SIK3: variants seen among roughly 807,000 people sequenced by gnomAD.
SIK3 encodes the protein SIK family kinase 3.
SIK3 carries 28 observed loss-of-function variants against 144.2 expected under a neutral mutation model. The ratio of observed to expected loss-of-function variants is 0.19; its 90% confidence interval spans 0.14 to 0.27. The LOEUF (loss-of-function observed/expected upper bound fraction) is 0.27. Among genes scored for constraint, SIK3 ranks in the 10% least tolerant of loss-of-function variants. The probability of loss-of-function intolerance (pLI) is 1.00; values close to 1 mark genes in which losing one functional copy is unlikely to be tolerated. For missense variants in SIK3, 1,319 were observed against 1,776.0 expected, an observed-to-expected ratio of 0.74 and a Z score of 4.62; for synonymous variants, 686 against 676.3, an observed-to-expected ratio of 1.01 and a Z score of -0.22.
chr11:116,899,820 C>G (rs1056633025), intron 4 of SIK3, among the ~76,000 whole-genome samples: 1 of 152,182 alleles, frequency 6.6e-6, no homozygotes, highest in African/African-American at 2.4e-5. Context: ...GGACACCATG[C>G]TCCCTGAAAT....
chr11:116,917,183 G>C (rs557536935), intron 4 of SIK3, among the ~76,000 whole-genome samples: 18 of 152,100 alleles, frequency 1.2e-4, no homozygotes, highest in African/African-American at 4.3e-4. Flanking sequence ...AGCACTCTGG[G>C]TGATTCGTTA....
rs375769186 is a variant in SIK3 at position 116,858,365 on chromosome 11, G to A, written c.3100C>T (p.Arg1034Trp). The part of the protein sequence containing the change: ...RHSLTGHSDI[R>W]LPPTEFAQLI... ...TGTGCAAACTCTGTTGGGGGCAGCC[G>A]GATGTCCGAGTGGCCGGTGAGCGAA... Residue 1034 changes from arginine (R) to tryptophan (W), a missense_variant, in exon 21 of 25, where the codon CGG becomes TGG. Coordinates refer to ENST00000445177, the MANE Select transcript of SIK3 (RefSeq NM_001366686.3). This position sits in a 1 kb window ranked among gnomAD's most constrained non-coding sequence, Gnocchi z 5.4. The A allele has an allele frequency of 5.6e-6, 9 of 1,613,582 alleles. No individual in the cohort carries two copies. The highest frequency in any genetic ancestry group is 2.2e-5 in the South Asian group (2 of 90,994).
intron 1 of SIK3, among the ~76,000 whole-genome samples, chr11:117,045,206 G>A (rs377429806): frequency 6.6e-6 from 1 of 152,184 alleles, no homozygotes; most frequent in East Asian, 1.9e-4. Flanking sequence ...TATCTGCTTA[G>A]TGACGGGAAA....
At chr11:116,978,866 C>A (rs1950044936) in intron 1 of SIK3, among the ~76,000 whole-genome samples, 1 of 152,064 alleles carries the variant, frequency 6.6e-6, no homozygotes, top group South Asian at 2.1e-4. Context: ...TATTCCTCTA[C>A]GAAGATGCAT....
At chr11:116,907,244 T>G (rs1393685144) in intron 4 of SIK3, among the ~76,000 whole-genome samples, 1 of 152,268 alleles carries the variant, frequency 6.6e-6, no homozygotes, top group Admixed American at 6.5e-5. Context: ...AGATGCAGCC[T>G]ATAACGCCAG....
chr11:116,997,575 T>G (rs1249626592), intron 1 of SIK3, among the ~76,000 whole-genome samples: 1 of 152,208 alleles, frequency 6.6e-6, no homozygotes, highest in African/African-American at 2.4e-5. Flanking sequence ...TAATTTATAT[T>G]TTGCTTTGAT....
chr11:116,916,864 G>T (rs1565448460), intron 4 of SIK3, among the ~76,000 whole-genome samples: 1 of 151,880 alleles, frequency 6.6e-6, no homozygotes, highest in African/African-American at 2.4e-5. Flanking sequence ...TAGCACTTTG[G>T]GAGGCTGAGG....
At chr11:116,904,979 C>T (rs752522097) in intron 4 of SIK3, 1 of 166,986 alleles carries the variant, frequency 6.0e-6, no homozygotes, top group African/African-American at 2.4e-5. Context: ...ACGATGACCA[C>T]AATCAGTTTT....
chr11:116,938,279 GGAGAGGAGAGGAGAGGAGAGGAGAA>G, intron 3 of SIK3, among the ~76,000 whole-genome samples: 2 of 89,206 alleles, frequency 2.2e-5, no homozygotes, highest in African/African-American at 5.6e-5. Flanking sequence ...GGAGAGGAGA[GGAGAGGAGAGGAGAGGAGAGGAGAA>G]GAGAAGGAGA....
intron 3 of SIK3, among the ~76,000 whole-genome samples, chr11:116,943,864 G>C (rs992292076): frequency 6.6e-6 from 1 of 151,100 alleles, no homozygotes; most frequent in Non-Finnish European, 1.5e-5. Flanking sequence ...AAAATACAAT[G>C]TGTGCCATTT....
At chr11:116,872,472 T>C (rs1169079180) in intron 13 of SIK3, among the ~76,000 whole-genome samples, 2 of 152,222 alleles carry the variant, frequency 1.3e-5, no homozygotes, top group African/African-American at 4.8e-5. Flanking sequence ...ATCTTGTCAG[T>C]GATGGCAAGG....
chr11:117,011,519 ATT>A (rs201883643), intron 1 of SIK3, among the ~76,000 whole-genome samples: 1 of 150,036 alleles, frequency 6.7e-6, no homozygotes. Context: ...TTAAACGGAA[ATT>A]TTTTTTTTTA....
chr11:116,933,360 C>CA (rs1027741289), intron 3 of SIK3, among the ~76,000 whole-genome samples: 3 of 152,018 alleles, frequency 2.0e-5, no homozygotes, highest in African/African-American at 7.2e-5. Flanking sequence ...AGGCTGGTCT[C>CA]AAACTCCTGA....
At chr11:117,034,857 A>G (rs1952424883) in intron 1 of SIK3, among the ~76,000 whole-genome samples, 1 of 152,122 alleles carries the variant, frequency 6.6e-6, no homozygotes, top group African/African-American at 2.4e-5. Flanking sequence ...AACCAAACTT[A>G]TTTTTTGCTT....
chr11:116,966,082 A>G (rs1422103716), intron 1 of SIK3, among the ~76,000 whole-genome samples: 1 of 152,168 alleles, frequency 6.6e-6, no homozygotes, highest in African/African-American at 2.4e-5. Context: ...ATGGTTTAAC[A>G]AGGCAGTTCT....
intron 16 of SIK3, 118 bp downstream of exon 16, chr11:116,863,550 C>T: frequency 6.9e-7 from 1 of 1,441,888 alleles, no homozygotes; most frequent in Non-Finnish European, 9.5e-7. Flanking sequence ...ACTTTTTTAA[C>T]CTATAAAACT....
chr11:116,958,080 A>G (rs1949209591), intron 1 of SIK3, among the ~76,000 whole-genome samples: 1 of 152,202 alleles, frequency 6.6e-6, no homozygotes. Flanking sequence ...ATCAGTATGG[A>G]AGCAATACTG....
At chr11:117,054,459 C>T (rs151272270) in intron 1 of SIK3, among the ~76,000 whole-genome samples, 2 of 152,276 alleles carry the variant, frequency 1.3e-5, no homozygotes, top group East Asian at 3.9e-4. Flanking sequence ...AAGAGAGACC[C>T]ATCAGAGGCC....
intron 6 of SIK3, among the ~76,000 whole-genome samples, chr11:116,895,082 A>C (rs1235632646): frequency 6.6e-6 from 1 of 152,158 alleles, no homozygotes; most frequent in Admixed American, 6.5e-5. Context: ...GTCACAGTAA[A>C]ATCTAAAGTC....
Sources: gnomAD v4.1 joint callset for allele counts (sites outside exome capture counted in the v4.1 genomes callset) on GRCh38, gnomAD v4.1.1 for gene constraint, Gnocchi (gnomAD v3.1) non-coding constraint, MANE v1.5 for transcripts, NCBI Gene and HGNC (gene_info 2026-07-23, HGNC 2026-07-21) for gene names.